Variants in LRP6 observed in about 807,000 individuals in gnomAD.
The protein encoded by LRP6 is LDL receptor related protein 6, also known as low-density lipoprotein receptor-related protein 6.
In LRP6, 43 loss-of-function variants were observed where a neutral mutation model predicts 184.1. The observed-to-expected ratio is 0.23, with a 90% confidence interval of 0.18 to 0.30. The LOEUF is 0.30. Among genes scored for constraint, LRP6 ranks in the 10% least tolerant of loss-of-function variants. LRP6 has a pLI of 1.00. For missense variants in LRP6, 1,571 were observed against 2,005.3 expected, an observed-to-expected ratio of 0.78 and a Z score of 4.14; for synonymous variants, 719 against 684.9, an observed-to-expected ratio of 1.05 and a Z score of -0.78.
intron 3 of LRP6, among the ~76,000 whole-genome samples, chr12:12,200,214 AT>A (rs963004699): frequency 3.9e-4 from 59 of 152,272 alleles, no homozygotes; most frequent in Admixed American, 5.9e-4. Flanking sequence ...CAGCATACTC[AT>A]TATCTGTGTT....
intron 5 of LRP6, among the ~76,000 whole-genome samples, chr12:12,183,161 GCC>G (rs1420651388): frequency 6.6e-6 from 1 of 152,000 alleles, no homozygotes; most frequent in East Asian, 1.9e-4. Flanking sequence ...TGACTCCCTG[GCC>G]CCCTTGCCAG....
intron 2 of LRP6, among the ~76,000 whole-genome samples, chr12:12,228,496 CTG>C (rs1864689954): frequency 6.6e-6 from 1 of 152,214 alleles, no homozygotes; most frequent in Non-Finnish European, 1.5e-5. Context: ...CTTTATGAGA[CTG>C]TGCCCTTCTC....
chr12:12,163,899 C>T (rs971961614), intron 9 of LRP6, among the ~76,000 whole-genome samples: 8 of 152,102 alleles, frequency 5.3e-5, no homozygotes, highest in African/African-American at 1.4e-4. Flanking sequence ...TTTGGGAGGA[C>T]GAAGCGGGCG....
chr12:12,218,165 T>G (rs1215464565), intron 2 of LRP6, among the ~76,000 whole-genome samples: 1 of 152,062 alleles, frequency 6.6e-6, no homozygotes, highest in African/African-American at 2.4e-5. Flanking sequence ...TATAAAGAGC[T>G]CTTAGAACTC....
intron 3 of LRP6, among the ~76,000 whole-genome samples, chr12:12,188,531 T>C (rs1403945012): frequency 1.3e-5 from 2 of 152,224 alleles, no homozygotes. Context: ...GCATATTAAA[T>C]TAAAAGCAAT....
At chr12:12,245,276 A>ATGGGTGGATC (rs1865157336) in intron 1 of LRP6, among the ~76,000 whole-genome samples, 1 of 152,230 alleles carries the variant, frequency 6.6e-6, no homozygotes, top group South Asian at 2.1e-4. Flanking sequence ...TACATGAAAA[A>ATGGGTGGATC]TGGGTGGATC....
At chr12:12,193,369 G>A (rs1258709471) in intron 3 of LRP6, among the ~76,000 whole-genome samples, 6 of 149,080 alleles carry the variant, frequency 4.0e-5, no homozygotes, top group South Asian at 4.2e-4. Context: ...AAAACATTAG[G>A]GTTAAAAAAA....
chr12:12,145,631 T>TA (rs1565557663), intron 15 of LRP6, among the ~76,000 whole-genome samples: 2 of 126,060 alleles, frequency 1.6e-5, no homozygotes, highest in Non-Finnish European at 3.1e-5. Context: ...TTTCTTTTTT[T>TA]TTTTTTTTTT....
At chr12:12,149,445 C>T (rs1950051466) in intron 13 of LRP6, among the ~76,000 whole-genome samples, 1 of 152,166 alleles carries the variant, frequency 6.6e-6, no homozygotes, top group Admixed American at 6.5e-5. Context: ...AAGGTGGCAA[C>T]TATCTTCTCT....
In LRP6 at chr12:12,203,166, T is replaced by C. The variant is rs750801062; in HGVS notation, c.647+37A>G. 7 of 1,491,202 alleles carry C rather than the reference T, an allele frequency of 4.7e-6. No homozygotes were observed. In the African/African-American group the frequency reaches 9.9e-5, roughly 21 times the overall value. The allele number at this position is 1,491,202 out of a possible 1,614,324, so 92.4% of individuals were successfully genotyped here. The stretch of plus-strand genomic sequence containing the variant: ...TGTAATGTATCAAGGCTTCATCGAG[T>C]TTTCTTAAAAGTTTTTTCTAATTCT... On this transcript the variant is annotated intron_variant, in intron 3 of 22. Transcript: ENST00000261349.
intron 7 of LRP6, 101 bp from the exon 8 acceptor site, chr12:12,165,396 A>AC: frequency 7.3e-6 from 6 of 824,236 alleles, no homozygotes; most frequent in Non-Finnish European, 1.3e-5. Flanking sequence ...TCCAAGAGTC[A>AC]TCTTGGTATT....
At chr12:12,174,530 T>C (rs1863123024) in intron 7 of LRP6, among the ~76,000 whole-genome samples, 1 of 152,192 alleles carries the variant, frequency 6.6e-6, no homozygotes, top group South Asian at 2.1e-4. Flanking sequence ...AACAATAGAT[T>C]TATTATAATT....
chr12:12,134,365 T>G (rs1278921522), intron 17 of LRP6, among the ~76,000 whole-genome samples: 1 of 152,194 alleles, frequency 6.6e-6, no homozygotes, highest in Non-Finnish European at 1.5e-5. Context: ...TAGATAATAG[T>G]ATGATGTAGT....
chr12:12,244,085 AAAT>A (rs1865127879), intron 2 of LRP6, among the ~76,000 whole-genome samples, 174 bp downstream of exon 2: 3 of 152,116 alleles, frequency 2.0e-5, no homozygotes, highest in South Asian at 2.1e-4. Context: ...ACCCTGTCAA[AAAT>A]AATAATAACA....
At chr12:12,220,597 T>C (rs1864461931) in intron 2 of LRP6, among the ~76,000 whole-genome samples, 1 of 123,460 alleles carries the variant, frequency 8.1e-6, no homozygotes, top group Non-Finnish European at 1.7e-5. Flanking sequence ...ATATTTTTCT[T>C]AGTTTTTTTT....
At chr12:12,249,150 C>T in intron 1 of LRP6, 1 of 708,788 alleles carries the variant, frequency 1.4e-6, no homozygotes. Flanking sequence ...GATAATTGGG[C>T]CTGCAAGAAC....
At chr12:12,244,877 G>C (rs1865148937) in intron 1 of LRP6, among the ~76,000 whole-genome samples, 1 of 152,134 alleles carries the variant, frequency 6.6e-6, no homozygotes, top group Non-Finnish European at 1.5e-5. Flanking sequence ...CACCACGATA[G>C]TCTTTTCTTG....
intron 7 of LRP6, among the ~76,000 whole-genome samples, chr12:12,171,350 A>T (rs919878050): frequency 6.6e-6 from 1 of 152,146 alleles, no homozygotes; most frequent in South Asian, 2.1e-4. Context: ...CTCCATCTCT[A>T]CTAAAAACAC....
intron 20 of LRP6, among the ~76,000 whole-genome samples, chr12:12,125,894 G>A (rs1949665911): frequency 6.6e-6 from 1 of 152,176 alleles, no homozygotes; most frequent in African/African-American, 2.4e-5. Context: ...AACTACCAGT[G>A]CTAAAGAAAA....
Sources: allele counts gnomAD v4.1 joint callset (sites outside exome capture counted in the v4.1 genomes callset), GRCh38; gene constraint gnomAD v4.1.1; transcripts MANE v1.5; gene names NCBI Gene and HGNC (gene_info 2026-07-23, HGNC 2026-07-21).